Variants in GCNT2 observed in about 807,000 individuals in gnomAD.
The protein encoded by GCNT2 is N-acetyllactosaminide beta-1,6-N-acetylglucosaminyl-transferase.
In GCNT2, 34 loss-of-function variants were observed where a neutral mutation model predicts 34.2. That is an observed-to-expected ratio of 1.00 (90% CI 0.76 to 1.32). GCNT2 has a LOEUF of 1.32. Ranked by LOEUF, GCNT2 falls within the 40% of genes most tolerant of loss-of-function variation. GCNT2 has a pLI of 0.00. For synonymous variants in GCNT2, 212 were observed against 188.0 expected (o/e 1.13, Z -1.04); for missense variants, 584 against 489.4 (o/e 1.19, Z -1.82).
intron 3 of GCNT2, among the ~76,000 whole-genome samples, chr6:10,558,303 G>A (rs1265758872): frequency 6.6e-6 from 1 of 152,188 alleles, no homozygotes; most frequent in Non-Finnish European, 1.5e-5. Context: ...GTGAGTGAGT[G>A]AATGAATGGT....
At chr6:10,569,859 C>CTCTT (rs71548849) in intron 3 of GCNT2, among the ~76,000 whole-genome samples, 9 of 149,556 alleles carry the variant, frequency 6.0e-5, no homozygotes, top group Admixed American at 3.3e-4. Flanking sequence ...CTCTTTCTTT[C>CTCTT]TCTTTCTTTC....
chr6:10,586,637 C>T, intron 3 of GCNT2: 1 of 1,614,086 alleles, frequency 6.2e-7, no homozygotes, highest in Non-Finnish European at 8.5e-7. Flanking sequence ...AAAATATCAC[C>T]CCAGGGGTGC....
intron 3 of GCNT2, among the ~76,000 whole-genome samples, chr6:10,578,587 G>C (rs933166390): frequency 3.3e-5 from 5 of 151,306 alleles, no homozygotes; most frequent in African/African-American, 1.2e-4. Flanking sequence ...GGTGGGACTA[G>C]AGGCACGCGC....
intron 1 of GCNT2, among the ~76,000 whole-genome samples, chr6:10,522,987 C>G (rs1561771749): frequency 6.6e-6 from 1 of 152,206 alleles, no homozygotes; most frequent in Non-Finnish European, 1.5e-5. Context: ...CTTGGAAAGC[C>G]TGGAGTTGTC....
intron 3 of GCNT2, among the ~76,000 whole-genome samples, chr6:10,546,621 T>C (rs1337477964): frequency 6.6e-6 from 1 of 152,156 alleles, no homozygotes; most frequent in Non-Finnish European, 1.5e-5. Flanking sequence ...ATCTCGCCAT[T>C]GTACTCTAGC....
rs1761319322 is a variant in GCNT2 at position 10,528,751 on chromosome 6, AAAAG to A, written c.-160_-157del. ...TAAGTGAAGAGGGGAAGAAGAAAGA[AAAAG>A]GACCAGAACCGTGAACTGAAGGGAC... is the stretch of plus-strand genomic sequence containing the variant. On this transcript the variant is annotated 5_prime_UTR_variant, in exon 3 of 5. Transcript: ENST00000495262. 7 of 666,864 alleles carry A rather than the reference AAAAG, an allele frequency of 1.0e-5. No individual in the cohort carries two copies. The highest frequency in any genetic ancestry group is 1.6e-5 in the Non-Finnish European group (6 of 375,796). 41.3% of individuals were successfully genotyped at this position (666,864 alleles called of 1,614,324 possible).
chr6:10,540,818 A>T (rs2113584534), intron 3 of GCNT2, among the ~76,000 whole-genome samples: 1 of 152,258 alleles, frequency 6.6e-6, no homozygotes, highest in African/African-American at 2.4e-5. Flanking sequence ...CCTAAATCTA[A>T]ACCCCAACTC....
intron 3 of GCNT2, among the ~76,000 whole-genome samples, chr6:10,559,772 G>A (rs751916405): frequency 2.0e-5 from 3 of 152,224 alleles, no homozygotes; most frequent in Non-Finnish European, 4.4e-5. Context: ...GATTCTGCAA[G>A]GGATGCCTTT....
intron 3 of GCNT2, among the ~76,000 whole-genome samples, chr6:10,562,364 T>C (rs1229670539): frequency 6.6e-6 from 1 of 152,126 alleles, no homozygotes; most frequent in Admixed American, 6.5e-5. Flanking sequence ...AGAAATACTT[T>C]TTCCTGAGAG....
chr6:10,551,117 G>A (rs1762460172), intron 3 of GCNT2, among the ~76,000 whole-genome samples: 1 of 152,196 alleles, frequency 6.6e-6, no homozygotes, highest in African/African-American at 2.4e-5. Flanking sequence ...GGCCCCAAAT[G>A]TCAGGATTTT....
rs114001808 is a variant in GCNT2, at chr6:10,562,096, G to T, written c.925+32260G>T. On this transcript the variant is annotated intron_variant, in intron 3 of 4. Transcript: ENST00000495262. ...GATGCCCAAGGGAGCTCCCAATCAA[G>T]CTGGATCAGCGAGTCAAACCGTGTG... 6.0e-3 allele frequency among the ~76,000 whole-genome samples: 914 copies of T among 152,242 alleles called. 11 individuals carry two copies. The highest frequency in any genetic ancestry group is 0.021 in the African/African-American group (862 of 41,552).
At chr6:10,622,054 G>T (rs1003076345) in intron 4 of GCNT2, among the ~76,000 whole-genome samples, 1 of 152,186 alleles carries the variant, frequency 6.6e-6, no homozygotes, top group Non-Finnish European at 1.5e-5. Flanking sequence ...AGCCTTCCCA[G>T]TGGCTTGGAG....
rs1447119398 is a variant in GCNT2, at chr6:10,628,510, C to T, written c.*1903C>T. 6.6e-6 allele frequency: 1 copy of T among 152,194 alleles called. No individual in the cohort carries two copies. The highest frequency in any genetic ancestry group is 1.5e-5 in the Non-Finnish European group (1 of 68,040). The allele number at this position is 152,194 out of a possible 1,614,324, so 9.4% of individuals were successfully genotyped here. A position where few individuals can be genotyped will look rare whatever the true frequency, so the allele number is the denominator to read the frequency against. On this transcript the variant is annotated 3_prime_UTR_variant, in exon 5 of 5. Coordinates refer to ENST00000495262, the MANE Select transcript of GCNT2 (RefSeq NM_145649.5). ...ACTCTTGAAGGCCACATGTGAAAAC[C>T]TGTCACTTGCACAGAGGCCAGTCCC...
At chr6:10,594,323 G>A (rs1764760300) in intron 3 of GCNT2, among the ~76,000 whole-genome samples, 1 of 152,118 alleles carries the variant, frequency 6.6e-6, no homozygotes, top group Admixed American at 6.5e-5. Context: ...CCAACCACCA[G>A]TAAAAATAAA....
At chr6:10,541,650 T>C (rs1762040776) in intron 3 of GCNT2, among the ~76,000 whole-genome samples, 1 of 152,206 alleles carries the variant, frequency 6.6e-6, no homozygotes, top group Non-Finnish European at 1.5e-5. Flanking sequence ...TCAGAAAATG[T>C]AGTTGAAGTA....
intron 3 of GCNT2, among the ~76,000 whole-genome samples, chr6:10,565,772 A>G (rs750740705): frequency 2.7e-5 from 4 of 150,828 alleles, no homozygotes; most frequent in Non-Finnish European, 4.4e-5. Flanking sequence ...GACACGTTCC[A>G]CTTCTGGCGC....
Position 10,535,115 on chromosome 6 carries a change from C to T in GCNT2, c.925+5279C>T, listed in dbSNP as rs914328812. Among the ~76,000 whole-genome samples, 5 of 152,022 alleles carry T rather than the reference C, an allele frequency of 3.3e-5. No homozygotes were observed. The South Asian group carries it at 6.2e-4, about 19-fold the overall frequency. ...AGGAGAATCGCTTGAACCTGGGAGG[C>T]GGAGGTTGCAATGAGCCGAGATCGC... On this transcript the variant is annotated intron_variant, in intron 3 of 4. Transcript: ENST00000495262.
intron 3 of GCNT2, among the ~76,000 whole-genome samples, chr6:10,573,504 G>C (rs1270524886): frequency 1.3e-5 from 2 of 152,180 alleles, no homozygotes; most frequent in Non-Finnish European, 2.9e-5. Context: ...GTGGGGGCAG[G>C]TAGTGTCACA....
At chr6:10,590,978 A>G (rs959753551) in intron 3 of GCNT2, among the ~76,000 whole-genome samples, 1 of 152,050 alleles carries the variant, frequency 6.6e-6, no homozygotes, top group African/African-American at 2.4e-5. Context: ...TCTTCATCCT[A>G]TATGGCCCAC....
Sources: allele counts gnomAD v4.1 joint callset (sites outside exome capture counted in the v4.1 genomes callset), GRCh38; gene constraint gnomAD v4.1.1; transcripts MANE v1.5; gene names NCBI Gene and HGNC (gene_info 2026-07-23, HGNC 2026-07-21).